The following CPXM2 variants were observed in gnomAD, a reference collection of about 807,000 sequenced individuals.
The protein encoded by CPXM2 is carboxypeptidase X, M14 family member 2, also known as inactive carboxypeptidase-like protein X2.
CPXM2 carries 66 observed loss-of-function variants against 86.1 expected under a neutral mutation model. The observed-to-expected ratio is 0.77, with a 90% CI of 0.63 to 0.94. The LOEUF (loss-of-function observed/expected upper bound fraction) is 0.94. Ranked by LOEUF, CPXM2 falls within the 40% of genes least tolerant of loss-of-function variation. CPXM2 has a pLI of 0.00. For missense variants in CPXM2, 948 were observed against 1,026.3 expected (o/e 0.92, Z 1.04); for synonymous variants, 388 against 400.2 (o/e 0.97, Z 0.36).
chr10:123,921,739 C>A (rs1479011128), intron 2 of CPXM2, among the ~76,000 whole-genome samples: 1 of 152,164 alleles, frequency 6.6e-6, no homozygotes, highest in African/African-American at 2.4e-5. Flanking sequence ...CCATTGTTAG[C>A]CTGAGTGAAG....
intron 2 of CPXM2, among the ~76,000 whole-genome samples, chr10:123,866,784 C>T (rs28397856): frequency 0.41 from 62,241 of 152,102 alleles, 13,626 homozygotes; most frequent in African/African-American, 0.56. Flanking sequence ...ACTTCTTCCT[C>T]GGCACTCTGT....
chr10:123,877,453 G>T (rs1453720728), intron 2 of CPXM2, among the ~76,000 whole-genome samples: 1 of 152,212 alleles, frequency 6.6e-6, no homozygotes, highest in Non-Finnish European at 1.5e-5. Context: ...GCTCTGGGTT[G>T]CTGGTTGGGC....
At chr10:123,904,856 A>T (rs1945418401) in intron 2 of CPXM2, among the ~76,000 whole-genome samples, 1 of 27,996 alleles carries the variant, frequency 3.6e-5, no homozygotes, top group East Asian at 4.6e-4. Flanking sequence ...TCATTTCCCC[A>T]ACCTCTGTGA....
At chr10:123,811,637 G>C (rs1411994509) in intron 4 of CPXM2, among the ~76,000 whole-genome samples, 1 of 152,076 alleles carries the variant, frequency 6.6e-6, no homozygotes, top group African/African-American at 2.4e-5. Flanking sequence ...ACATCATCAA[G>C]AAAGCAGTAA....
chr10:123,867,380 G>A (rs183347978), intron 2 of CPXM2, among the ~76,000 whole-genome samples: 1 of 152,218 alleles, frequency 6.6e-6, no homozygotes, highest in East Asian at 1.9e-4. Flanking sequence ...ATTATCTTTT[G>A]CTTTAAAGAT....
At chr10:123,821,161 G>C (rs1160285284) in intron 4 of CPXM2, among the ~76,000 whole-genome samples, 2 of 152,090 alleles carry the variant, frequency 1.3e-5, no homozygotes, top group East Asian at 3.9e-4. Context: ...GAAAGCTTAG[G>C]GCACAGTAAG....
intron 4 of CPXM2, among the ~76,000 whole-genome samples, chr10:123,808,945 C>CT (rs999970661): frequency 6.6e-6 from 1 of 152,118 alleles, no homozygotes; most frequent in African/African-American, 2.4e-5. Flanking sequence ...ACTGTAGTAA[C>CT]TTTAAGTCTG....
intron 12 of CPXM2, among the ~76,000 whole-genome samples, chr10:123,756,854 C>T (rs1846224890): frequency 6.6e-6 from 1 of 152,212 alleles, no homozygotes; most frequent in African/African-American, 2.4e-5. Flanking sequence ...GCCTCCAGAG[C>T]TGCAAGTCTG....
At chr10:123,749,844 C>T (rs914902875) in intron 13 of CPXM2, among the ~76,000 whole-genome samples, 3 of 152,204 alleles carry the variant, frequency 2.0e-5, no homozygotes, top group Non-Finnish European at 4.4e-5. Flanking sequence ...CTCACTCTAT[C>T]GCCCAGGCTG....
chr10:123,834,008 G>A (rs577099518), intron 4 of CPXM2, among the ~76,000 whole-genome samples: 11 of 152,286 alleles, frequency 7.2e-5, no homozygotes, highest in African/African-American at 2.4e-4. Flanking sequence ...TGTGGTAGCT[G>A]CTATTACATC....
intron 6 of CPXM2, among the ~76,000 whole-genome samples, chr10:123,795,558 T>A (rs762580591): frequency 6.6e-6 from 1 of 152,148 alleles, no homozygotes; most frequent in African/African-American, 2.4e-5. Flanking sequence ...CAATAACTTT[T>A]ACAAAGGAAT....
At chr10:123,767,235 C>G in intron 9 of CPXM2, 83 bp from the exon 10 acceptor site, 1 of 1,277,634 alleles carries the variant, frequency 7.8e-7, no homozygotes, top group Non-Finnish European at 1.1e-6. Flanking sequence ...TCTGTCTCCA[C>G]TTCCCCTTGG....
intron 1 of CPXM2, among the ~76,000 whole-genome samples, chr10:123,881,384 T>C (rs1420335433): frequency 2.0e-5 from 3 of 151,550 alleles, no homozygotes; most frequent in Non-Finnish European, 4.4e-5. Flanking sequence ...TGATAGCACC[T>C]GTTTTGGGTC....
chr10:123,799,400 G>A (rs544940981), intron 4 of CPXM2, among the ~76,000 whole-genome samples: 2 of 152,246 alleles, frequency 1.3e-5, no homozygotes, highest in Admixed American at 1.3e-4. Flanking sequence ...TCCATAATAT[G>A]GGAATCATAA....
In CPXM2 at chr10:123,891,600, C is replaced by T; in HGVS notation, c.60G>A (p.Leu20=). 1 of 1,524,246 alleles carries T rather than the reference C, an allele frequency of 6.6e-7. No individual in the cohort carries two copies. Among genetic ancestry groups the T allele is most frequent in the Non-Finnish European group, 8.8e-7 (1 of 1,134,834 alleles). 94.4% of individuals were successfully genotyped at this position (1,524,246 alleles called of 1,614,324 possible). ...CTGCGCCCTGGGCTCCGACCCCGGC[C>T]AGGGTCACTGCCAGGAGCACCAGGG... is the stretch of plus-strand genomic sequence containing the variant. ...ALALVLLAVT[L]AGVGAQGAAL... The change falls in exon 1 of 14, where the codon CTG becomes CTA. Residue 20 remains leucine (L), a synonymous_variant. Transcript: ENST00000241305. This position sits in a 1 kb window ranked among gnomAD's most constrained non-coding sequence, Gnocchi z 5.6.
intron 3 of CPXM2, among the ~76,000 whole-genome samples, chr10:123,842,958 G>A (rs930598259): frequency 1.3e-5 from 2 of 152,206 alleles, no homozygotes; most frequent in African/African-American, 4.8e-5. Context: ...TTTAAGGACA[G>A]AATCACTAAC....
At chr10:123,863,304 C>T (rs1207766880) in intron 2 of CPXM2, among the ~76,000 whole-genome samples, 2 of 152,192 alleles carry the variant, frequency 1.3e-5, no homozygotes, top group Admixed American at 6.5e-5. Context: ...CTGCTGTTTG[C>T]CCCCACGCCC....
chr10:123,782,951 G>C (rs1170865044), intron 6 of CPXM2, among the ~76,000 whole-genome samples: 1 of 152,244 alleles, frequency 6.6e-6, no homozygotes, highest in East Asian at 1.9e-4. Context: ...ATGGTGACAA[G>C]AGTGACCTCT....
intron 4 of CPXM2, among the ~76,000 whole-genome samples, chr10:123,830,995 C>T (rs993573906): frequency 6.6e-6 from 1 of 152,010 alleles, no homozygotes; most frequent in Non-Finnish European, 1.5e-5. Context: ...ATGTGGGACA[C>T]TGTGTGAACT....
Sources: allele counts gnomAD v4.1 joint callset (sites outside exome capture counted in the v4.1 genomes callset), GRCh38; gene constraint gnomAD v4.1.1; non-coding constraint Gnocchi (gnomAD v3.1); transcripts MANE v1.5; gene names NCBI Gene and HGNC (gene_info 2026-07-23, HGNC 2026-07-21).